The following FEZ2 variants were observed in gnomAD, a reference collection of about 807,000 sequenced individuals.
FEZ2 encodes the protein fasciculation and elongation protein zeta-2.
In FEZ2, 51 loss-of-function variants were observed where a neutral mutation model predicts 40.4. That is an observed-to-expected ratio of 1.26 (90% CI 1.01 to 1.59). The LOEUF (loss-of-function observed/expected upper bound fraction) is 1.59. Among genes scored for constraint, FEZ2 ranks in the 40% most tolerant of loss-of-function variants. The probability of loss-of-function intolerance (pLI) is 0.00; values close to 1 mark genes in which losing one functional copy is unlikely to be tolerated. For synonymous variants in FEZ2, 242 were observed against 172.0 expected (o/e 1.41, Z -3.18); for missense variants, 640 against 438.3 (o/e 1.46, Z -4.11).
At chr2:36,578,537 G>A in intron 5 of FEZ2, 60 bp downstream of exon 5, 1 of 1,547,622 alleles carries the variant, frequency 6.5e-7, no homozygotes, top group Non-Finnish European at 8.7e-7. Context: ...AGCCCCAAAG[G>A]CTGGGACTAC....
At chr2:36,560,778 C>A (rs765231127) in intron 5 of FEZ2, 1 of 1,574,252 alleles carries the variant, frequency 6.4e-7, no homozygotes, top group South Asian at 1.1e-5. Context: ...TAAGGATAAC[C>A]GAGCACCTGT....
chr2:36,596,889 T>C lies in FEZ2; in HGVS notation c.266+988A>G, dbSNP rs554969890. Among the ~76,000 whole-genome samples the C allele has an allele frequency of 2.6e-5, 4 of 152,304 alleles. No homozygotes were observed. In the East Asian group the frequency reaches 7.7e-4, roughly 29 times the overall value. On this transcript the variant is annotated intron_variant, in intron 1 of 7. Coordinates refer to ENST00000405912, the MANE Select transcript of FEZ2 (RefSeq NM_005102.3). The stretch of plus-strand genomic sequence containing the variant: ...CCATCTTTTGGGGGTAAAACCATGG[T>C]ACCTAATTACAACTCTTACTTAACC...
At chr2:36,562,283 G>C (rs1343485602) in intron 5 of FEZ2, among the ~76,000 whole-genome samples, 1 of 151,620 alleles carries the variant, frequency 6.6e-6, no homozygotes, top group East Asian at 1.9e-4. Flanking sequence ...CTTTTAATTT[G>C]TAACATGGCT....
intron 6 of FEZ2, chr2:36,556,296 T>A (rs2125217603): frequency 5.1e-6 from 1 of 195,996 alleles, no homozygotes; most frequent in Non-Finnish European, 1.1e-5. Context: ...TGTTGCCTCC[T>A]CTGCACTAGG....
intron 1 of FEZ2, among the ~76,000 whole-genome samples, chr2:36,597,338 T>G (rs1669256646): frequency 6.6e-6 from 1 of 152,222 alleles, no homozygotes; most frequent in Non-Finnish European, 1.5e-5. Flanking sequence ...AGACACACGC[T>G]TTTAAGTCTC....
intron 5 of FEZ2, among the ~76,000 whole-genome samples, chr2:36,576,673 A>G (rs1668580125): frequency 6.6e-6 from 1 of 152,236 alleles, no homozygotes; most frequent in Admixed American, 6.5e-5. Context: ...AATCAGGCAA[A>G]ATGCAACTTC....
intron 5 of FEZ2, among the ~76,000 whole-genome samples, chr2:36,565,769 G>C (rs764958946): frequency 6.6e-5 from 10 of 152,102 alleles, no homozygotes; most frequent in Non-Finnish European, 1.3e-4. Flanking sequence ...TGACACTACT[G>C]ACATTTCCAG....
At chr2:36,582,563 C>T (rs1280462742) in intron 3 of FEZ2, among the ~76,000 whole-genome samples, 1 of 152,188 alleles carries the variant, frequency 6.6e-6, no homozygotes, top group African/African-American at 2.4e-5. Flanking sequence ...AACCTTCCAA[C>T]CTACTATTAC....
At chr2:36,591,283 G>C in intron 1 of FEZ2, 1 of 446,150 alleles carries the variant, frequency 2.2e-6, no homozygotes, top group Non-Finnish European at 4.1e-6. Flanking sequence ...ATTATATTAG[G>C]TGCTAGGCAC....
chr2:36,582,648 A>G (rs1329990133), intron 3 of FEZ2, among the ~76,000 whole-genome samples: 1 of 152,218 alleles, frequency 6.6e-6, no homozygotes. Context: ...GAGGATCCAA[A>G]TAACACAATT....
intron 1 of FEZ2, among the ~76,000 whole-genome samples, chr2:36,595,617 G>T (rs1208420141): frequency 6.6e-6 from 1 of 152,118 alleles, no homozygotes; most frequent in Non-Finnish European, 1.5e-5. Context: ...CAGGGGTTGG[G>T]GACCCCTTGA....
At chr2:36,593,586 C>T (rs1429898105) in intron 1 of FEZ2, among the ~76,000 whole-genome samples, 1 of 152,100 alleles carries the variant, frequency 6.6e-6, no homozygotes, top group Non-Finnish European at 1.5e-5. Flanking sequence ...TGTACTCTCG[C>T]CCCTTTCAGC....
At chr2:36,594,816 A>G (rs1669167268) in intron 1 of FEZ2, among the ~76,000 whole-genome samples, 1 of 152,360 alleles carries the variant, frequency 6.6e-6, no homozygotes, top group East Asian at 1.9e-4. Context: ...CTATAAGAAA[A>G]AGGCAAATGG....
At chr2:36,593,230 G>A (rs1057490361) in intron 1 of FEZ2, among the ~76,000 whole-genome samples, 4 of 152,248 alleles carry the variant, frequency 2.6e-5, no homozygotes, top group African/African-American at 9.6e-5. Flanking sequence ...TTCTTACATG[G>A]TGGCAGCAAG....
At chr2:36,569,153 A>AAG (rs1174654359) in intron 5 of FEZ2, among the ~76,000 whole-genome samples, 1 of 152,240 alleles carries the variant, frequency 6.6e-6, no homozygotes, top group Non-Finnish European at 1.5e-5. Context: ...TTCTTTATAG[A>AAG]GTTGTTGTGA....
intron 5 of FEZ2, among the ~76,000 whole-genome samples, chr2:36,574,816 A>ACC (rs1275990267): frequency 6.6e-6 from 1 of 152,040 alleles, no homozygotes; most frequent in East Asian, 1.9e-4. Context: ...CCACTCTCTA[A>ACC]CCCCCCATCC....
intron 1 of FEZ2, among the ~76,000 whole-genome samples, chr2:36,592,644 C>T (rs75154175): frequency 2.7e-5 from 2 of 74,602 alleles, no homozygotes; most frequent in South Asian, 5.1e-4. Flanking sequence ...CACATCTCTA[C>T]AAAAAAAAAA....
intron 4 of FEZ2, among the ~76,000 whole-genome samples, chr2:36,579,719 C>T (rs1391123953): frequency 1.3e-5 from 2 of 152,076 alleles, no homozygotes; most frequent in African/African-American, 2.4e-5. Flanking sequence ...ATAAATTACC[C>T]AGTTTCAGGC....
Position 36,552,962 on chromosome 2 carries a change from C to A in FEZ2, c.*201G>T. ...TATTAGTAGATTTAACAAAAACCAT[C>A]TCTAGAATTCAAAATAGTGCCCATA... On this transcript the variant is annotated 3_prime_UTR_variant, in exon 8 of 8. Coordinates refer to ENST00000405912, the MANE Select transcript of FEZ2 (RefSeq NM_005102.3). The A allele has an allele frequency of 3.8e-6, 2 of 533,112 alleles. No homozygotes were observed. Among genetic ancestry groups the A allele is most frequent in the South Asian group, 6.4e-5 (2 of 31,128 alleles). The allele number at this position is 533,112 out of a possible 1,614,324, so 33.0% of individuals were successfully genotyped here.
Sources: gnomAD v4.1 joint callset for allele counts (sites outside exome capture counted in the v4.1 genomes callset) on GRCh38, gnomAD v4.1.1 for gene constraint, MANE v1.5 for transcripts, NCBI Gene and HGNC (gene_info 2026-07-23, HGNC 2026-07-21) for gene names.